KCNH1: variants seen among roughly 807,000 people sequenced by gnomAD.
The protein encoded by KCNH1 is voltage-gated delayed rectifier potassium channel KCNH1.
Under a neutral mutation model 69.2 loss-of-function variants are expected in KCNH1, and 27 were observed. The observed-to-expected ratio is 0.39, with a 90% confidence interval of 0.29 to 0.54. The LOEUF is 0.54. KCNH1 is among the 20% of genes least tolerant of loss of function. The pLI is 0.68. For synonymous variants in KCNH1, 456 were observed against 487.7 expected, an observed-to-expected ratio of 0.93 and a Z score of 0.86; for missense variants, 798 against 1,261.6, an observed-to-expected ratio of 0.63 and a Z score of 5.57.
chr1:210,944,595 C>A (rs74429972), intron 6 of KCNH1, among the ~76,000 whole-genome samples: 1 of 152,196 alleles, frequency 6.6e-6, no homozygotes, highest in African/African-American at 2.4e-5. Context: ...AGATAAGGAA[C>A]CAGAAGTGCA....
rs138571507 is a variant in KCNH1 at position 210,994,909 on chromosome 1, T to A, written c.1032+23874A>T. Reference sequence around the variant, plus strand: ...TTCCTCACGTATAAAAATGGAATGATGATATGCCAGATTCATTAGATTCTT... The same window carrying A: ...TTCCTCACGTATAAAAATGGAATGAAGATATGCCAGATTCATTAGATTCTT... On this transcript the variant is annotated intron_variant, in intron 6 of 10. Transcript: ENST00000271751. Among the ~76,000 whole-genome samples, 684 of 152,320 alleles carry A rather than the reference T, an allele frequency of 4.5e-3. 1 individual carries two copies. The highest frequency in any genetic ancestry group is 7.8e-3 in the Non-Finnish European group (531 of 68,026).
chr1:210,745,246 A>C (rs941724900), intron 10 of KCNH1, among the ~76,000 whole-genome samples: 4 of 152,112 alleles, frequency 2.6e-5, no homozygotes, highest in African/African-American at 9.7e-5. Flanking sequence ...TGAAGAAAAA[A>C]AAATGCCATG....
At chr1:210,951,001 A>C (rs1032253642) in intron 6 of KCNH1, among the ~76,000 whole-genome samples, 6 of 152,246 alleles carry the variant, frequency 3.9e-5, no homozygotes, top group African/African-American at 1.2e-4. Flanking sequence ...TTATATCTGA[A>C]TGTGTAAAGT....
At chr1:210,780,679 A>G (rs60783540) in intron 9 of KCNH1, among the ~76,000 whole-genome samples, 4,932 of 152,322 alleles carry the variant, frequency 0.032, 262 homozygotes, top group African/African-American at 0.11. Context: ...AAGCTGAAGC[A>G]TGGAGATGAT....
chr1:210,983,117 GTTTGT>G (rs1054625814), intron 6 of KCNH1, among the ~76,000 whole-genome samples: 55 of 69,296 alleles, frequency 7.9e-4, no homozygotes, highest in Non-Finnish European at 1.6e-3. Flanking sequence ...TGATGGGGTT[GTTTGT>G]TTTTTTCTTG....
intron 7 of KCNH1, among the ~76,000 whole-genome samples, chr1:210,908,539 C>T (rs776167703): frequency 1.3e-5 from 2 of 152,076 alleles, no homozygotes; most frequent in Non-Finnish European, 2.9e-5. Context: ...TGGGTAGTCC[C>T]CAACAGCCTC....
chr1:210,934,245 G>T (rs187484639), intron 6 of KCNH1, among the ~76,000 whole-genome samples: 1 of 152,292 alleles, frequency 6.6e-6, no homozygotes, highest in Admixed American at 6.5e-5. Flanking sequence ...AGAGTGAAGA[G>T]ACAACCTAAA....
At chr1:211,078,917 CA>C (rs769981174) in intron 5 of KCNH1, among the ~76,000 whole-genome samples, 23,017 of 82,940 alleles carry the variant, frequency 0.28, 904 homozygotes, top group Admixed American at 0.33. Context: ...GACTCCGTCT[CA>C]AAAAAAAAAA....
At chr1:210,767,174 A>G (rs1683653354) in intron 10 of KCNH1, among the ~76,000 whole-genome samples, 2 of 152,388 alleles carry the variant, frequency 1.3e-5, no homozygotes, top group South Asian at 4.1e-4. Flanking sequence ...AGTAACTTGC[A>G]AGGAGGGACT....
intron 10 of KCNH1, among the ~76,000 whole-genome samples, chr1:210,695,846 G>A (rs967106420): frequency 6.6e-6 from 1 of 152,176 alleles, no homozygotes; most frequent in Non-Finnish European, 1.5e-5. Context: ...TCCACACTCC[G>A]CTGGCTGGGC....
intron 5 of KCNH1, among the ~76,000 whole-genome samples, chr1:211,060,118 A>G (rs555699963): frequency 1.3e-5 from 2 of 152,234 alleles, no homozygotes; most frequent in African/African-American, 4.8e-5. Flanking sequence ...ATTTAAAAAT[A>G]TGCTCCTAAA....
At chr1:210,917,219 G>C (rs1558524644) in intron 7 of KCNH1, among the ~76,000 whole-genome samples, 22 of 126,970 alleles carry the variant, frequency 1.7e-4, no homozygotes, top group Non-Finnish European at 3.4e-4. Context: ...GAGAGAGAGA[G>C]AGAGAGAGAG....
chr1:211,094,748 A>G (rs1558602126), intron 3 of KCNH1, among the ~76,000 whole-genome samples: 1 of 152,202 alleles, frequency 6.6e-6, no homozygotes, highest in Non-Finnish European at 1.5e-5. Context: ...GTCCCAAACT[A>G]TCACTACCCA....
intron 6 of KCNH1, among the ~76,000 whole-genome samples, chr1:210,983,348 G>A (rs560554392): frequency 2.0e-5 from 3 of 152,234 alleles, no homozygotes; most frequent in African/African-American, 4.8e-5. Flanking sequence ...CCTTGCCCAC[G>A]CCTATGTTCT....
chr1:210,877,663 T>C (rs1482602118), intron 7 of KCNH1, among the ~76,000 whole-genome samples: 1 of 152,190 alleles, frequency 6.6e-6, no homozygotes, highest in Non-Finnish European at 1.5e-5. Flanking sequence ...TATATACATA[T>C]CATGGTACAA....
At chr1:211,020,945 T>TAA (rs35891554) in intron 5 of KCNH1, among the ~76,000 whole-genome samples, 13,638 of 151,912 alleles carry the variant, frequency 0.09, 750 homozygotes, top group South Asian at 0.18. Context: ...CCTTTCATGA[T>TAA]AAAAAAAACT....
In KCNH1 at chr1:210,797,460, T is replaced by A. The variant is rs754953578; in HGVS notation, c.1915+48A>T. Reference sequence around the variant, plus strand: ...CAGTGGCATTGAGCTGCCCAGAAGCTAAGCCAACCCCAGATACCTTTGCCC... The same window carrying A: ...CAGTGGCATTGAGCTGCCCAGAAGCAAAGCCAACCCCAGATACCTTTGCCC... On this transcript the variant is annotated intron_variant, in intron 9 of 10. Transcript: ENST00000271751. 3.8e-6 allele frequency: 6 copies of A among 1,597,392 alleles called. No homozygotes were observed. In the East Asian group the frequency reaches 1.3e-4, roughly 36 times the overall value.
At chr1:211,034,307 C>T (rs1689855271) in intron 5 of KCNH1, among the ~76,000 whole-genome samples, 1 of 150,926 alleles carries the variant, frequency 6.6e-6, no homozygotes, top group Non-Finnish European at 1.5e-5. Context: ...TCTCCAGAGA[C>T]TGAAAAAAAA....
At chr1:210,758,432 C>G (rs1438818322) in intron 10 of KCNH1, among the ~76,000 whole-genome samples, 1 of 152,188 alleles carries the variant, frequency 6.6e-6, no homozygotes, top group African/African-American at 2.4e-5. Context: ...GCTTTTTGAC[C>G]TGGAACCAGT....
Sources: gnomAD v4.1 joint callset for allele counts (sites outside exome capture counted in the v4.1 genomes callset) on GRCh38, gnomAD v4.1.1 for gene constraint, MANE v1.5 for transcripts, NCBI Gene and HGNC (gene_info 2026-07-23, HGNC 2026-07-21) for gene names.